TPTE2: variants seen among roughly 807,000 people sequenced by gnomAD.
TPTE2 encodes the protein transmembrane phosphoinositide 3-phosphatase and tensin homolog 2.
TPTE2 carries 53 observed loss-of-function variants against 78.6 expected under a neutral mutation model. The ratio of observed to expected loss-of-function variants is 0.67; its 90% CI spans 0.54 to 0.85. TPTE2 has a LOEUF of 0.85. TPTE2 is among the 40% of genes least tolerant of loss of function. The pLI, the probability that TPTE2 is intolerant of heterozygous loss-of-function variation, is 0.00. For synonymous variants in TPTE2, 175 were observed against 206.2 expected, an observed-to-expected ratio of 0.85 and a Z score of 1.30; for missense variants, 461 against 623.0, an observed-to-expected ratio of 0.74 and a Z score of 2.77.
chr13:19,537,375 A>G (rs1279306391), upstream of TPTE2, among the ~76,000 whole-genome samples: 1 of 151,632 alleles, frequency 6.6e-6, no homozygotes, highest in Non-Finnish European at 1.5e-5. Context: ...CTGGGATTAC[A>G]GGCACCTGCC....
At chr13:19,465,389 T>C (rs1868885072) in intron 8 of TPTE2, 71 bp from the exon 12 acceptor site, 1 of 1,610,418 alleles carries the variant, frequency 6.2e-7, no homozygotes, top group South Asian at 1.1e-5. Context: ...TTATACAGTA[T>C]AGATATCAAC....
chr13:19,561,240 C>T, the TPTE2 span: 1 of 1,311,924 alleles, frequency 7.6e-7, no homozygotes, highest in Non-Finnish European at 1.1e-6. Context: ...GCTCACTGCC[C>T]ACCACCTGGC....
chr13:19,438,264 T>A, intron 13 of TPTE2, 111 bp from the exon 17 acceptor site: 1 of 1,412,370 alleles, frequency 7.1e-7, no homozygotes, highest in South Asian at 1.6e-5. Flanking sequence ...TGAGACAGGG[T>A]CTTGCTGTGT....
intron 1 of TPTE2, among the ~76,000 whole-genome samples, chr13:19,494,628 T>C (rs2137645606): frequency 6.6e-6 from 1 of 152,268 alleles, no homozygotes; most frequent in Admixed American, 6.5e-5. Context: ...AGCCTGGTCT[T>C]GAACACCTGA....
At chr13:19,525,585 A>G (rs1374583198) in intron 1 of TPTE2, among the ~76,000 whole-genome samples, 1 of 152,206 alleles carries the variant, frequency 6.6e-6, no homozygotes. Flanking sequence ...ACCTAAAACT[A>G]TAAAATCCCT....
upstream of TPTE2, among the ~76,000 whole-genome samples, chr13:19,503,800 C>A (rs1480987681): frequency 6.6e-6 from 1 of 152,138 alleles, no homozygotes; most frequent in Admixed American, 6.6e-5. Context: ...GGGTTGTTAG[C>A]TTTTTTCTCT....
At chr13:19,443,224 T>C (rs920625912) in intron 13 of TPTE2, among the ~76,000 whole-genome samples, 2 of 151,848 alleles carry the variant, frequency 1.3e-5, no homozygotes, top group Admixed American at 6.6e-5. Context: ...TCCAGAAACA[T>C]GTTGGTTTAC....
At chr13:19,526,334 C>A (rs925071235) in intron 1 of TPTE2, among the ~76,000 whole-genome samples, 1 of 152,144 alleles carries the variant, frequency 6.6e-6, no homozygotes, top group Non-Finnish European at 1.5e-5. Context: ...CACACATATA[C>A]CATGGAATAC....
At chr13:19,434,483 AG>A (rs1397130067) in intron 15 of TPTE2, among the ~76,000 whole-genome samples, 4 of 152,206 alleles carry the variant, frequency 2.6e-5, no homozygotes, top group Admixed American at 2.6e-4. Context: ...TGCCATTGGC[AG>A]TGGGGACATA....
chr13:19,550,140 CT>C, the TPTE2 span, among the ~76,000 whole-genome samples: 1 of 149,212 alleles, frequency 6.7e-6, no homozygotes, highest in African/African-American at 2.5e-5. Flanking sequence ...ACATGTACCC[CT>C]GAACCTAAAA....
chr13:19,496,443 C>T (rs984328509), intron 1 of TPTE2, among the ~76,000 whole-genome samples: 1 of 152,200 alleles, frequency 6.6e-6, no homozygotes, highest in African/African-American at 2.4e-5. Context: ...CTATGGCCCA[C>T]TTCCTGGATC....
chr13:19,531,735 T>C (rs1039555077), intron 1 of TPTE2, among the ~76,000 whole-genome samples: 1 of 152,044 alleles, frequency 6.6e-6, no homozygotes, highest in Non-Finnish European at 1.5e-5. Flanking sequence ...AAGACCAGCC[T>C]AGCCAACATG....
At chr13:19,499,924 G>A (rs995517334) in intron 1 of TPTE2, among the ~76,000 whole-genome samples, 2 of 144,288 alleles carry the variant, frequency 1.4e-5, no homozygotes, top group Non-Finnish European at 3.0e-5. Context: ...AAGAAAAAAA[G>A]AGAGAAGAAT....
chr13:19,544,673 A>C, the TPTE2 span, among the ~76,000 whole-genome samples: 2 of 152,178 alleles, frequency 1.3e-5, no homozygotes, highest in African/African-American at 4.8e-5. Context: ...AGGCAGGTAG[A>C]CTGCTTGAGC....
intron 10 of TPTE2, among the ~76,000 whole-genome samples, chr13:19,451,900 A>G (rs1050894611): frequency 2.0e-5 from 3 of 151,746 alleles, no homozygotes; most frequent in Non-Finnish European, 2.9e-5. Flanking sequence ...TTAAAATACA[A>G]TCAATACCAC....
upstream of TPTE2, among the ~76,000 whole-genome samples, chr13:19,538,090 G>C (rs1593428468): frequency 6.6e-6 from 1 of 152,090 alleles, no homozygotes; most frequent in East Asian, 1.9e-4. Context: ...TTCACTCTTG[G>C]TTTTGCCTTT....
At chr13:19,450,305 A>C in exon 12 of TPTE2, 4 of 1,611,304 alleles carry the variant, frequency 2.5e-6, no homozygotes, top group Non-Finnish European at 3.4e-6. Flanking sequence ...GATTCTACTG[A>C]CCCTATTATG....
the TPTE2 span, among the ~76,000 whole-genome samples, chr13:19,547,161 A>C: frequency 6.6e-6 from 1 of 152,114 alleles, no homozygotes; most frequent in Admixed American, 6.5e-5. Context: ...TCTCAACAAC[A>C]TAAGACAGTG....
At chr13:19,432,695 T>C (rs1226134156) in intron 15 of TPTE2, 117 bp from the exon 19 acceptor site, 1 of 539,054 alleles carries the variant, frequency 1.9e-6, no homozygotes, top group African/African-American at 2.0e-5. Context: ...TAAGAAAACA[T>C]TTACTGGATG....
Sources: gnomAD v4.1 joint callset for allele counts (sites outside exome capture counted in the v4.1 genomes callset) on GRCh38, gnomAD v4.1.1 for gene constraint, MANE v1.5 for transcripts, NCBI Gene and HGNC (gene_info 2026-07-23, HGNC 2026-07-21) for gene names.